Variants in USP28 observed in about 807,000 individuals in gnomAD.
USP28 encodes the protein ubiquitin carboxyl-terminal hydrolase 28.
Under a neutral mutation model 145.0 loss-of-function variants are expected in USP28, and 113 were observed. The ratio of observed to expected loss-of-function variants is 0.78; its 90% CI spans 0.67 to 0.91. The LOEUF (loss-of-function observed/expected upper bound fraction) is 0.91. Ranked by LOEUF, USP28 falls within the 40% of genes least tolerant of loss-of-function variation. The pLI, the probability that USP28 is intolerant of heterozygous loss-of-function variation, is 0.00. For synonymous variants in USP28, 447 were observed against 450.9 expected, an observed-to-expected ratio of 0.99 and a Z score of 0.11; for missense variants, 1,201 against 1,289.6, an observed-to-expected ratio of 0.93 and a Z score of 1.05.
intron 16 of USP28, among the ~76,000 whole-genome samples, chr11:113,810,454 C>A (rs1221037314): frequency 6.6e-6 from 1 of 152,222 alleles, no homozygotes; most frequent in Non-Finnish European, 1.5e-5. Context: ...ATGACAGTTT[C>A]CACTTGTTTG....
At chr11:113,851,807 T>C (rs1040400835) in intron 3 of USP28, among the ~76,000 whole-genome samples, 2 of 148,682 alleles carry the variant, frequency 1.3e-5, no homozygotes, top group Non-Finnish European at 3.0e-5. Context: ...AAAAAGTCCA[T>C]CCAATTGGAA....
chr11:113,849,965 T>G (rs564407461), intron 3 of USP28, among the ~76,000 whole-genome samples: 56 of 152,244 alleles, frequency 3.7e-4, no homozygotes, highest in African/African-American at 1.1e-3. Context: ...ATTTAAAAAT[T>G]TCCACCTTCC....
chr11:113,839,085 C>T (rs1200286694), intron 5 of USP28, among the ~76,000 whole-genome samples: 1 of 152,212 alleles, frequency 6.6e-6, no homozygotes, highest in Non-Finnish European at 1.5e-5. Context: ...ATTTCCAAAA[C>T]TGTATCTAGA....
chr11:113,868,160 T>C (rs1483079615), intron 1 of USP28, among the ~76,000 whole-genome samples: 1 of 152,190 alleles, frequency 6.6e-6, no homozygotes, highest in Admixed American at 6.5e-5. Flanking sequence ...ACCAAAAGCT[T>C]TGACAGCCCT....
intron 14 of USP28, 119 bp from the exon 15 acceptor site, chr11:113,814,074 G>A (rs1307873067): frequency 1.4e-6 from 1 of 695,352 alleles, no homozygotes; most frequent in African/African-American, 1.8e-5. Context: ...TTCCCTCTAT[G>A]AACCACGAAG....
chr11:113,862,482 C>G (rs773059635), intron 1 of USP28, among the ~76,000 whole-genome samples: 15 of 152,060 alleles, frequency 9.9e-5, no homozygotes, highest in Admixed American at 2.6e-4. Context: ...GGAAGATATA[C>G]GAAGGAAGAA....
chr11:113,832,299 G>A (rs1200095433), intron 7 of USP28, among the ~76,000 whole-genome samples: 3 of 151,992 alleles, frequency 2.0e-5, no homozygotes, highest in Admixed American at 6.6e-5. Flanking sequence ...TAGCTGAGAC[G>A]GGGTTTCACC....
intron 16 of USP28, among the ~76,000 whole-genome samples, chr11:113,810,288 T>C (rs968804692): frequency 6.6e-6 from 1 of 152,204 alleles, no homozygotes; most frequent in Non-Finnish European, 1.5e-5. Flanking sequence ...GATACAATGG[T>C]GAAATGGTCA....
exon 9 of USP28, chr11:113,830,934 C>T (rs913041832): frequency 1.2e-6 from 2 of 1,613,852 alleles, no homozygotes; most frequent in African/African-American, 2.7e-5. Flanking sequence ...CAGATTTGTT[C>T]CTGGGACTGC....
chr11:113,817,041 G>A (rs1430922552), intron 13 of USP28, among the ~76,000 whole-genome samples: 8 of 152,112 alleles, frequency 5.3e-5, no homozygotes, highest in African/African-American at 1.4e-4. Flanking sequence ...TTTTTATTGA[G>A]TATTAGTGTT....
intron 1 of USP28, among the ~76,000 whole-genome samples, chr11:113,867,960 G>A (rs548447853): frequency 2.4e-4 from 37 of 152,304 alleles, no homozygotes; most frequent in African/African-American, 8.2e-4. Flanking sequence ...CCATCATGTA[G>A]CATGCAGCTG....
intron 12 of USP28, chr11:113,821,114 G>T (rs7113526): frequency 0.045 from 10,964 of 242,106 alleles, 882 homozygotes; most frequent in East Asian, 0.28. Context: ...CTGGGGCTTT[G>T]AAGTCATTGT....
chr11:113,817,817 C>T (rs1941974422), exon 13 of USP28: 2 of 1,613,980 alleles, frequency 1.2e-6, no homozygotes, highest in Admixed American at 3.3e-5. Context: ...CCGAGCTGGG[C>T]CTGAGCCATA....
intron 3 of USP28, among the ~76,000 whole-genome samples, chr11:113,845,447 T>A (rs1945721189): frequency 6.8e-6 from 1 of 147,668 alleles, no homozygotes; most frequent in Non-Finnish European, 1.5e-5. Flanking sequence ...AAAAAAAAAA[T>A]TAATAAATAA....
At chr11:113,858,464 C>T (rs916147395) in intron 1 of USP28, among the ~76,000 whole-genome samples, 1 of 152,142 alleles carries the variant, frequency 6.6e-6, no homozygotes, top group Non-Finnish European at 1.5e-5. Context: ...TTACCTCCTC[C>T]ATATGAAGTC....
At chr11:113,806,985 A>C (rs2135270566) in intron 18 of USP28, among the ~76,000 whole-genome samples, 1 of 152,294 alleles carries the variant, frequency 6.6e-6, no homozygotes, top group African/African-American at 2.4e-5. Flanking sequence ...AATACTTTAG[A>C]GTTTTACTAG....
At chr11:113,841,612 T>C (rs1945200689) in intron 4 of USP28, 51 bp downstream of exon 4, 2 of 1,228,414 alleles carry the variant, frequency 1.6e-6, no homozygotes, top group Non-Finnish European at 2.3e-6. Flanking sequence ...GCTGTTGCCT[T>C]TGAGATACAC....
intron 12 of USP28, among the ~76,000 whole-genome samples, chr11:113,819,911 G>A (rs1340574693): frequency 1.3e-5 from 2 of 152,134 alleles, no homozygotes; most frequent in Non-Finnish European, 1.5e-5. Flanking sequence ...TAGAGACGGG[G>A]TTTCACCATG....
At chr11:113,862,181 T>C (rs1212157108) in intron 1 of USP28, among the ~76,000 whole-genome samples, 1 of 152,104 alleles carries the variant, frequency 6.6e-6, no homozygotes, top group Non-Finnish European at 1.5e-5. Context: ...ACCCCATCTC[T>C]ACTAAAAATA....
Sources: allele counts gnomAD v4.1 joint callset (sites outside exome capture counted in the v4.1 genomes callset), GRCh38; gene constraint gnomAD v4.1.1; transcripts MANE v1.5; gene names NCBI Gene and HGNC (gene_info 2026-07-23, HGNC 2026-07-21).